NEDD4L: variants seen among roughly 807,000 people sequenced by gnomAD.
NEDD4L encodes the protein NEDD4 like E3 ubiquitin protein ligase.
NEDD4L carries 54 observed loss-of-function variants against 148.9 expected under a neutral mutation model. The observed-to-expected ratio is 0.36, with a 90% CI of 0.29 to 0.45. The LOEUF (loss-of-function observed/expected upper bound fraction) is 0.45, where lower values mean the gene tolerates loss of function less well. NEDD4L is among the 20% of genes least tolerant of loss of function. NEDD4L has a pLI of 1.00. For synonymous variants in NEDD4L, 433 were observed against 440.7 expected, an observed-to-expected ratio of 0.98 and a Z score of 0.22; for missense variants, 856 against 1,233.8, an observed-to-expected ratio of 0.69 and a Z score of 4.59.
intron 2 of NEDD4L, among the ~76,000 whole-genome samples, chr18:58,185,359 A>G (rs775665868): frequency 3.3e-5 from 5 of 152,210 alleles, no homozygotes; most frequent in Non-Finnish European, 7.3e-5. Flanking sequence ...CACGTCTTTA[A>G]AAAAGAGGCT....
At chr18:58,076,983 T>C (rs1225016238) in intron 1 of NEDD4L, among the ~76,000 whole-genome samples, 1 of 151,450 alleles carries the variant, frequency 6.6e-6, no homozygotes, top group East Asian at 1.9e-4. Flanking sequence ...TCTGAGTAGC[T>C]GGGACTACAG....
intron 2 of NEDD4L, among the ~76,000 whole-genome samples, chr18:58,169,306 A>G (rs1178854295): frequency 6.6e-6 from 1 of 152,212 alleles, no homozygotes; most frequent in Non-Finnish European, 1.5e-5. Flanking sequence ...CGCGTGGGAA[A>G]CAGCAATGGC....
intron 4 of NEDD4L, among the ~76,000 whole-genome samples, chr18:58,251,048 C>A (rs2047864747): frequency 6.6e-6 from 1 of 152,174 alleles, no homozygotes; most frequent in Non-Finnish European, 1.5e-5. Flanking sequence ...GCAGCATAGA[C>A]CTAGTGCAGG....
At chr18:58,341,222 A>G (rs1601468946) in intron 14 of NEDD4L, 53 bp downstream of exon 14, 1 of 1,584,664 alleles carries the variant, frequency 6.3e-7, no homozygotes, top group Non-Finnish European at 8.6e-7. Context: ...GCCGAAATGT[A>G]CATGACCGAA....
At chr18:58,085,061 C>G (rs9949561) in intron 1 of NEDD4L, among the ~76,000 whole-genome samples, 45,696 of 151,980 alleles carry the variant, frequency 0.3, 8,793 homozygotes, top group African/African-American at 0.56. Context: ...CTCATCAGCT[C>G]TACTGGATTA....
intron 2 of NEDD4L, among the ~76,000 whole-genome samples, chr18:58,211,626 A>T (rs2042610030): frequency 1.3e-5 from 2 of 152,234 alleles, no homozygotes. Flanking sequence ...GAATAAAATA[A>T]TCCTGAAGTC....
intron 1 of NEDD4L, among the ~76,000 whole-genome samples, chr18:58,118,037 A>G (rs187900044): frequency 1.3e-5 from 2 of 152,142 alleles, no homozygotes; most frequent in Admixed American, 1.3e-4. Context: ...AGACTGCACC[A>G]CTCCACATTT....
chr18:58,147,694 C>T (rs906092682), intron 1 of NEDD4L, among the ~76,000 whole-genome samples: 2 of 152,114 alleles, frequency 1.3e-5, no homozygotes, highest in South Asian at 2.1e-4. Context: ...AGGAGGGAGA[C>T]GGCCTCATAT....
intron 2 of NEDD4L, among the ~76,000 whole-genome samples, chr18:58,201,314 C>T (rs2041380438): frequency 6.6e-6 from 1 of 151,636 alleles, no homozygotes; most frequent in African/African-American, 2.4e-5. Context: ...GCTTGGGTGA[C>T]AGAGTGTGAT....
chr18:58,236,367 G>GA (rs199751899), intron 2 of NEDD4L, among the ~76,000 whole-genome samples: 3 of 151,700 alleles, frequency 2.0e-5, no homozygotes, highest in East Asian at 1.9e-4. Context: ...AAAAAAAAAA[G>GA]AAAAAAAAAT....
intron 1 of NEDD4L, among the ~76,000 whole-genome samples, chr18:58,071,658 C>T (rs544067165): frequency 1.3e-5 from 2 of 152,334 alleles, no homozygotes; most frequent in Admixed American, 6.5e-5. Flanking sequence ...TGTTTGTTCT[C>T]ATGCCGCTAA....
intron 5 of NEDD4L, among the ~76,000 whole-genome samples, chr18:58,309,815 G>A (rs1243626122): frequency 6.6e-6 from 1 of 152,090 alleles, no homozygotes; most frequent in Non-Finnish European, 1.5e-5. Context: ...CCAACCAGAG[G>A]GAGGTGGGGA....
intron 5 of NEDD4L, 48 bp from the exon 6 acceptor site, chr18:58,315,934 G>T: frequency 6.9e-7 from 1 of 1,453,910 alleles, no homozygotes; most frequent in Non-Finnish European, 9.7e-7. Flanking sequence ...AAATGCTGAC[G>T]CTCAGTGAAG....
At chr18:58,245,560 T>C in intron 3 of NEDD4L, 52 bp downstream of exon 3, 1 of 982,722 alleles carries the variant, frequency 1.0e-6, no homozygotes, top group Non-Finnish European at 1.6e-6. Context: ...TTAATCCAAT[T>C]ATGCACAGTC....
intron 6 of NEDD4L, among the ~76,000 whole-genome samples, chr18:58,316,583 C>T (rs1271459807): frequency 6.6e-6 from 1 of 152,222 alleles, no homozygotes; most frequent in Non-Finnish European, 1.5e-5. Context: ...CTCGCTGGAA[C>T]ACGCACTGAG....
In NEDD4L at chr18:58,076,528, G is replaced by A. The variant is rs538871045; in HGVS notation, c.48+31820G>A. ...CAGCAAATGGTAGCAGGACCACGTT[G>A]GGAAAAGGGCCAAAAGACTTTTTAA... On this transcript the variant is annotated intron_variant, in intron 1 of 30. Transcript: ENST00000400345. 3.3e-5 allele frequency among the ~76,000 whole-genome samples: 5 copies of A among 152,258 alleles called. No homozygotes were observed. The South Asian group carries it at 1.0e-3, about 32-fold the overall frequency.
intron 5 of NEDD4L, among the ~76,000 whole-genome samples, chr18:58,253,327 G>A (rs1441634559): frequency 6.6e-6 from 1 of 152,184 alleles, no homozygotes; most frequent in African/African-American, 2.4e-5. Flanking sequence ...GTTTGGGAAT[G>A]TATTGAATCT....
intron 2 of NEDD4L, among the ~76,000 whole-genome samples, chr18:58,242,619 A>G (rs1385680973): frequency 6.6e-6 from 1 of 150,864 alleles, no homozygotes; most frequent in Non-Finnish European, 1.5e-5. Context: ...TCCCACCTCA[A>G]CCTCTGTGGT....
At chr18:58,143,878 A>T (rs775992732) in intron 1 of NEDD4L, among the ~76,000 whole-genome samples, 9 of 152,218 alleles carry the variant, frequency 5.9e-5, no homozygotes, top group African/African-American at 1.9e-4. Flanking sequence ...GAGAATGTTC[A>T]TATTATATAG....
Sources: gnomAD v4.1 joint callset for allele counts (sites outside exome capture counted in the v4.1 genomes callset) on GRCh38, gnomAD v4.1.1 for gene constraint, MANE v1.5 for transcripts, NCBI Gene and HGNC (gene_info 2026-07-23, HGNC 2026-07-21) for gene names.